The following TNFRSF1B variants were observed in gnomAD, a reference collection of about 807,000 sequenced individuals.
TNFRSF1B encodes the protein tumor necrosis factor receptor superfamily member 1B.
In TNFRSF1B, 19 loss-of-function variants were observed where a neutral mutation model predicts 44.6. The ratio of observed to expected loss-of-function variants is 0.43; its 90% CI spans 0.30 to 0.62. The LOEUF (loss-of-function observed/expected upper bound fraction) is 0.62. TNFRSF1B is among the 20% of genes least tolerant of loss of function. TNFRSF1B has a pLI of 0.16. For synonymous variants in TNFRSF1B, 252 were observed against 261.1 expected (o/e 0.97, Z 0.34); for missense variants, 541 against 619.9 (o/e 0.87, Z 1.35).
In TNFRSF1B at chr1:12,183,715, A is replaced by AT. The variant is rs762028172; in HGVS notation, c.79-5080dup. Among the ~76,000 whole-genome samples the AT allele has an allele frequency of 1.2e-3, 120 of 103,320 alleles. 5 individuals are homozygous for AT. The highest frequency in any genetic ancestry group is 2.5e-3 in the South Asian group (7 of 2,828). 67.8% of individuals were successfully genotyped at this position (103,320 alleles called of 152,430 possible). A position where few individuals can be genotyped will look rare whatever the true frequency, so the allele number is the denominator to read the frequency against. On this transcript the variant is annotated intron_variant, in intron 1 of 9. Transcript: ENST00000376259. Reference sequence around the variant, plus strand: ...ATCTATCTATCTATCTATCTATTCTATCTACCTATCTATCTATCTATCTAT... The same window carrying AT: ...ATCTATCTATCTATCTATCTATTCTATTCTACCTATCTATCTATCTATCTAT...
rs1639337405 is a variant in TNFRSF1B, at chr1:12,199,276, C to CG, written c.901-2691_901-2690insG. Among the ~76,000 whole-genome samples, 1 of 152,310 alleles carries CG rather than the reference C, an allele frequency of 6.6e-6. No individual in the cohort carries two copies. The highest frequency in any genetic ancestry group is 2.1e-4 in the South Asian group (1 of 4,828). On this transcript the variant is annotated intron_variant, in intron 8 of 9. Coordinates refer to ENST00000376259, the MANE Select transcript of TNFRSF1B (RefSeq NM_001066.3). This position sits in a 1 kb window ranked among gnomAD's most constrained non-coding sequence, Gnocchi z 4.0. ...CTCCCCTTCCAGGCTCAGAGCAGGG[C>CG]TGGGGGGCAGTTGTGGGCAGTGACC...
At position 12,178,800 on chromosome 1, in the gene TNFRSF1B, G is replaced by A. The variant is rs886467681; in HGVS notation, c.79-9996G>A. On this transcript the variant is annotated intron_variant, in intron 1 of 9. Transcript: ENST00000376259. This position sits in a 1 kb window ranked among gnomAD's most constrained non-coding sequence, Gnocchi z 4.3. ...CAACAGGTGAGTGATGAATACAGGT[G>A]GGAGATGCTGGCAGGGGCTAAGGAG... 6.6e-6 allele frequency among the ~76,000 whole-genome samples: 1 copy of A among 152,170 alleles called. No individual in the cohort carries two copies. The highest frequency in any genetic ancestry group is 1.5e-5 in the Non-Finnish European group (1 of 68,018).
Position 12,186,469 on chromosome 1 carries a change from G to C in TNFRSF1B, c.79-2327G>C, listed in dbSNP as rs1404166647. On this transcript the variant is annotated intron_variant, in intron 1 of 9. Transcript: ENST00000376259. The surrounding 1 kb of genome is among the most constrained non-coding windows in gnomAD (Gnocchi z 4.8). The stretch of plus-strand genomic sequence containing the variant: ...TTGCTGACAGCTGAAGTCCAGGATA[G>C]GTCCATGGCCACGTTGTGCTGGTTT... Among the ~76,000 whole-genome samples, 2 of 152,238 alleles carry C rather than the reference G, an allele frequency of 1.3e-5. No homozygotes were observed. Among genetic ancestry groups the C allele is most frequent in the Non-Finnish European group, 2.9e-5 (2 of 68,040 alleles).
chr1:12,202,869 G>T (rs1194736254), intron 9 of TNFRSF1B, among the ~76,000 whole-genome samples: 1 of 152,246 alleles, frequency 6.6e-6, no homozygotes, highest in Non-Finnish European at 1.5e-5. Flanking sequence ...GGGCTCCAGA[G>T]CCCTGGGATT....
At chr1:12,206,528 G>A (rs1639506244) in intron 9 of TNFRSF1B, among the ~76,000 whole-genome samples, 1 of 152,156 alleles carries the variant, frequency 6.6e-6, no homozygotes, top group African/African-American at 2.4e-5. Context: ...GGTAGGTAGT[G>A]ATGCTATTCT....
chr1:12,193,155 CTCTT>C lies in TNFRSF1B; in HGVS notation c.787+62_787+65del, dbSNP rs770553406. The C allele has an allele frequency of 2.1e-4, 305 of 1,441,856 alleles. No individual in the cohort carries two copies. In the African/African-American group the frequency reaches 3.8e-3, roughly 18 times the overall value. 89.3% of individuals were successfully genotyped at this position (1,441,856 alleles called of 1,614,324 possible). A position where few individuals can be genotyped will look rare whatever the true frequency, so the allele number is the denominator to read the frequency against. On this transcript the variant is annotated intron_variant, in intron 6 of 9. Coordinates refer to ENST00000376259, the MANE Select transcript of TNFRSF1B (RefSeq NM_001066.3). The stretch of plus-strand genomic sequence containing the variant: ...CTTCTGTCTGCCTGTCTTTCTGTCT[CTCTT>C]TCTTCCTCTCCCATGGTTTTACTGA...
At chr1:12,183,789 C>CTAT (rs1638906129) in intron 1 of TNFRSF1B, among the ~76,000 whole-genome samples, 6 of 125,886 alleles carry the variant, frequency 4.8e-5, no homozygotes, top group African/African-American at 1.7e-4. Flanking sequence ...TATCTACCTA[C>CTAT]CTATCTATCT....
At chr1:12,191,480 T>G (rs1190254125) in intron 3 of TNFRSF1B, among the ~76,000 whole-genome samples, 1 of 149,374 alleles carries the variant, frequency 6.7e-6, no homozygotes, top group African/African-American at 2.5e-5. Context: ...GGAGCGGGAC[T>G]GTGGGGAGGA....
chr1:12,193,695 C>A (rs977044131), intron 6 of TNFRSF1B, among the ~76,000 whole-genome samples: 1 of 152,188 alleles, frequency 6.6e-6, no homozygotes, highest in Admixed American at 6.5e-5. Context: ...AAGAAGACAG[C>A]GGGCTGGGCC....
At chr1:12,203,026 T>C (rs561444676) in intron 9 of TNFRSF1B, among the ~76,000 whole-genome samples, 1 of 152,356 alleles carries the variant, frequency 6.6e-6, no homozygotes, top group African/African-American at 2.4e-5. Context: ...CTATGACAGA[T>C]GTCACTCCTG....
Position 12,194,672 on chromosome 1 carries a change from G to A in TNFRSF1B, c.900+54G>A, listed in dbSNP as rs908547249. 11 of 1,603,814 alleles carry A rather than the reference G, an allele frequency of 6.9e-6. No homozygotes were observed. The Admixed American group carries it at 1.0e-4, about 15-fold the overall frequency. Reference sequence around the variant, plus strand: ...CTTCCCCTGGTCTCCTTCCCGGCGTGCTGGGCTGTCACAGAGGAAGCAGTG... The same window carrying A: ...CTTCCCCTGGTCTCCTTCCCGGCGTACTGGGCTGTCACAGAGGAAGCAGTG... On this transcript the variant is annotated intron_variant, in intron 8 of 9. Transcript: ENST00000376259.
intron 3 of TNFRSF1B, among the ~76,000 whole-genome samples, chr1:12,191,531 C>A (rs778714973): frequency 6.9e-6 from 1 of 145,140 alleles, no homozygotes; most frequent in African/African-American, 2.6e-5. Flanking sequence ...GGGACGAGCG[C>A]GACTGCGGGG....
chr1:12,200,111 C>A (rs1445731679), intron 8 of TNFRSF1B, among the ~76,000 whole-genome samples: 2 of 152,164 alleles, frequency 1.3e-5, no homozygotes, highest in Non-Finnish European at 2.9e-5. Flanking sequence ...TATGTCCTAA[C>A]CGTGACCTTG....
In TNFRSF1B at chr1:12,198,691, G is replaced by GTTTTTTTTTT. The variant is rs60313758; in HGVS notation, c.901-3268_901-3259dup. Among the ~76,000 whole-genome samples the GTTTTTTTTTT allele has an allele frequency of 4.6e-3, 395 of 85,600 alleles. 67 individuals carry two copies. The highest frequency in any genetic ancestry group is 0.014 in the African/African-American group (301 of 21,352). The allele number at this position is 85,600 out of a possible 152,430, so 56.2% of individuals were successfully genotyped here. On this transcript the variant is annotated intron_variant, in intron 8 of 9. Transcript: ENST00000376259. Reference sequence around the variant, plus strand: ...TGGCTGGCTGGCTGGCTGGAATTCTGTTTTTTTTTTTTTTTTTGAGAAAGA... The same window carrying GTTTTTTTTTT: ...TGGCTGGCTGGCTGGCTGGAATTCTGTTTTTTTTTTTTTTTTTTTTTTTTTTTGAGAAAGA...
intron 8 of TNFRSF1B, among the ~76,000 whole-genome samples, chr1:12,196,808 AG>A (rs1639276469): frequency 6.6e-6 from 1 of 152,208 alleles, no homozygotes; most frequent in Admixed American, 6.5e-5. Flanking sequence ...GCGTGCGTAG[AG>A]CAGGTGTCTC....
intron 1 of TNFRSF1B, among the ~76,000 whole-genome samples, chr1:12,183,748 T>TCTATCTAGCTAGCTAGCTAGCTAG (rs1279334157): frequency 8.5e-6 from 1 of 116,984 alleles, no homozygotes; most frequent in Non-Finnish European, 1.9e-5. Flanking sequence ...TATCTATCTA[T>TCTATCTAGCTAGCTAGCTAGCTAG]CTAGCTAGCT....
At chr1:12,202,382 A>G (rs1390259872) in intron 9 of TNFRSF1B, among the ~76,000 whole-genome samples, 1 of 152,042 alleles carries the variant, frequency 6.6e-6, no homozygotes, top group Admixed American at 6.5e-5. Context: ...CTGTGGGACA[A>G]CCCCAGCTTG....
chr1:12,191,746 A>C, intron 3 of TNFRSF1B, 28 bp from the exon 4 acceptor site: 1 of 1,611,904 alleles, frequency 6.2e-7, no homozygotes, highest in Non-Finnish European at 8.5e-7. Flanking sequence ...GGCAGGCGTG[A>C]CCGTTTGCCG....
intron 1 of TNFRSF1B, among the ~76,000 whole-genome samples, chr1:12,182,237 G>T (rs1273552347): frequency 6.6e-6 from 1 of 152,120 alleles, no homozygotes; most frequent in African/African-American, 2.4e-5. Flanking sequence ...TATGATGCTG[G>T]GACAGCTCTT....
Sources: gnomAD v4.1 joint callset for allele counts (sites outside exome capture counted in the v4.1 genomes callset) on GRCh38, gnomAD v4.1.1 for gene constraint, Gnocchi (gnomAD v3.1) non-coding constraint, MANE v1.5 for transcripts, NCBI Gene and HGNC (gene_info 2026-07-23, HGNC 2026-07-21) for gene names.